KRT39: variants seen among roughly 807,000 people sequenced by gnomAD.
KRT39 encodes keratin 39, also known as keratin, type I cytoskeletal 39.
KRT39 carries 47 observed loss-of-function variants against 54.8 expected under a neutral mutation model. The observed-to-expected ratio is 0.86, with a 90% CI of 0.68 to 1.09. The LOEUF (loss-of-function observed/expected upper bound fraction) is 1.09, where lower values mean the gene tolerates loss of function less well. Among genes scored for constraint, KRT39 ranks in the 50% least tolerant of loss-of-function variants. The probability of loss-of-function intolerance (pLI) is 0.00; values close to 1 mark genes in which losing one functional copy is unlikely to be tolerated. For synonymous variants in KRT39, 207 were observed against 227.9 expected (o/e 0.91, Z 0.83); for missense variants, 580 against 598.5 (o/e 0.97, Z 0.32).
At position 40,963,670 on chromosome 17, in the gene KRT39, G is replaced by T; in HGVS notation, c.665C>A (p.Ser222Tyr). 1.2e-6 allele frequency: 2 copies of T among 1,611,242 alleles called. No homozygotes were observed. Among genetic ancestry groups the T allele is most frequent in the East Asian group, 2.2e-5 (1 of 44,836 alleles). The change falls in exon 3 of 7, where the codon TCT becomes TAT. Residue 222 changes from serine to tyrosine, a missense_variant. Ser to Tyr is a moderately radical substitution (Grantham distance 144). Coordinates refer to ENST00000355612, the MANE Select transcript of KRT39 (RefSeq NM_213656.4). ...GKADLEAQVQ[S>Y]LKEELLCLKN... ...GAGGCAAAGGAGCTCCTCTTTCAGA[G>T]ACTGGACTTGTGCCTCTAGGTCGGC...
intron 2 of KRT39, chr17:40,964,094 A>G: frequency 2.4e-6 from 1 of 416,860 alleles, no homozygotes; most frequent in Non-Finnish European, 4.2e-6. Context: ...ACATGTGTCC[A>G]AGTTTCGGTT....
rs185494048 is a variant in KRT39 at position 40,962,773 on chromosome 17, A to T, written c.709-210T>A. ...TGTGTGTTTAAATGTGTGCAAAATTAAAAAAAAATGAGTAGCAAGACCAGA... is the reference window on the plus strand; with the variant it reads ...TGTGTGTTTAAATGTGTGCAAAATTTAAAAAAAATGAGTAGCAAGACCAGA... On this transcript the variant is annotated intron_variant, in intron 3 of 6. Coordinates refer to ENST00000355612, the MANE Select transcript of KRT39 (RefSeq NM_213656.4). 9.1e-4 allele frequency among the ~76,000 whole-genome samples: 138 copies of T among 151,338 alleles called. No individual in the cohort carries two copies. In the Middle Eastern group the frequency reaches 0.01, roughly 11 times the overall value.
intron 5 of KRT39, among the ~76,000 whole-genome samples, chr17:40,961,386 G>A (rs1911146485): frequency 6.6e-6 from 1 of 152,136 alleles, no homozygotes; most frequent in Non-Finnish European, 1.5e-5. Flanking sequence ...TTATAGATGA[G>A]AAAACTGAGG....
rs1234977277 is a variant in KRT39, at chr17:40,964,517, G to T, written c.480C>A (p.Thr160=). The change falls in exon 2 of 7, where the codon ACC becomes ACA. Residue 160 remains threonine (T), a synonymous_variant. Transcript: ENST00000355612. The part of the protein sequence containing the change: ...IEELQQKILC[T]KAENSRLVSQ... The stretch of plus-strand genomic sequence containing the variant: ...AGACCAGTCTGGAATTCTCGGCCTT[G>T]GTACACAAGATCTAGAATTAAGAGA... The T allele has an allele frequency of 6.2e-7, 1 of 1,611,122 alleles. No individual in the cohort carries two copies. The highest frequency in any genetic ancestry group is 8.5e-7 in the Non-Finnish European group (1 of 1,177,450).
intron 3 of KRT39, among the ~76,000 whole-genome samples, chr17:40,962,814 G>T (rs190412017): frequency 5.0e-4 from 76 of 152,260 alleles, no homozygotes; most frequent in Non-Finnish European, 1.0e-3. Flanking sequence ...AAAAAATTTA[G>T]ATCATTTCCA....
chr17:40,962,698 A>C lies in KRT39; in HGVS notation c.709-135T>G, dbSNP rs747185745. The C allele has an allele frequency of 4.9e-5, 35 of 717,390 alleles. No homozygotes were observed. In the South Asian group the frequency reaches 5.8e-4, roughly 12 times the overall value. 44.4% of individuals were successfully genotyped at this position (717,390 alleles called of 1,614,324 possible). On this transcript the variant is annotated intron_variant, in intron 3 of 6. Coordinates refer to ENST00000355612, the MANE Select transcript of KRT39 (RefSeq NM_213656.4). ...CACAACAAAGGAATACATGATTTAC[A>C]GGTGTTATTGAGATGCTATAAAATG...
At chr17:40,960,203 C>T (rs1209944960) in intron 6 of KRT39, 78 bp downstream of exon 6, 1 of 1,284,364 alleles carries the variant, frequency 7.8e-7, no homozygotes, top group African/African-American at 1.5e-5. Context: ...AGCACTTGAC[C>T]CCTGTTGCCA....
At position 40,958,770 on chromosome 17, in the gene KRT39, C is replaced by A; in HGVS notation, c.1307G>T (p.Cys436Phe). The change falls in exon 7 of 7, where the codon TGC becomes TTC. Residue 436 changes from cysteine to phenylalanine, a missense_variant. Cys to Phe is a radical substitution (Grantham distance 205, BLOSUM62 -2). Transcript: ENST00000355612. ...TAAGCTGCAGGGGGATGAGGATGTG[C>A]AAGCTGGGGCCGTGCTTTCTATGGC... is the stretch of plus-strand genomic sequence containing the variant. ...SGAIESTAPA[C>F]TSSSPCSLKE... 1 of 1,613,958 alleles carries A rather than the reference C, an allele frequency of 6.2e-7. No individual in the cohort carries two copies. The highest frequency in any genetic ancestry group is 8.5e-7 in the Non-Finnish European group (1 of 1,179,982).
At position 40,966,931 on chromosome 17, in the gene KRT39, C is replaced by A; in HGVS notation, c.-75G>T. ...AAAGCTCAAGCCACCTCCACAGAGT[C>A]TGAATTCCAAGGCTCTTGGTGTTTT... On this transcript the variant is annotated 5_prime_UTR_variant, in exon 1 of 7. Transcript: ENST00000355612. 9.5e-7 allele frequency: 1 copy of A among 1,049,038 alleles called. No individual in the cohort carries two copies. The highest frequency in any genetic ancestry group is 1.4e-5 in the South Asian group (1 of 71,612). 65.0% of individuals were successfully genotyped at this position (1,049,038 alleles called of 1,614,324 possible). A position where few individuals can be genotyped will look rare whatever the true frequency, so the allele number is the denominator to read the frequency against.
intron 5 of KRT39, among the ~76,000 whole-genome samples, chr17:40,961,135 GAA>G (rs3067627): frequency 0.25 from 34,351 of 139,290 alleles, 4,100 homozygotes; most frequent in African/African-American, 0.31. Context: ...ATCTCAAAAA[GAA>G]AAAAAAAAAA....
rs529165488 is a variant in KRT39 at position 40,959,692 on chromosome 17, G to C, written c.1217+589C>G. ...CTGGGGTTTTAGTTTGGACTGAGTT[G>C]CTTCAAAGAACTCATCCTCCATATA... On this transcript the variant is annotated intron_variant, in intron 6 of 6. Coordinates refer to ENST00000355612, the MANE Select transcript of KRT39 (RefSeq NM_213656.4). Among the ~76,000 whole-genome samples, 23 of 152,306 alleles carry C rather than the reference G, an allele frequency of 1.5e-4. No individual in the cohort carries two copies. In the South Asian group the frequency reaches 4.8e-3, roughly 32 times the overall value.
chr17:40,958,983 T>G, intron 6 of KRT39, 124 bp from the exon 7 acceptor site: 1 of 825,782 alleles, frequency 1.2e-6, no homozygotes, highest in East Asian at 2.5e-5. Flanking sequence ...TTCTAAATGC[T>G]TATTCATTTA....
At chr17:40,963,524 G>T in intron 3 of KRT39, 103 bp downstream of exon 3, 1 of 1,070,564 alleles carries the variant, frequency 9.3e-7, no homozygotes, top group South Asian at 2.0e-5. Context: ...GTGTGAGAAC[G>T]AACTAATACA....
chr17:40,966,900 G>A lies in KRT39; in HGVS notation c.-44C>T, dbSNP rs1336126472. 1 of 1,454,366 alleles carries A rather than the reference G, an allele frequency of 6.9e-7. No homozygotes were observed. Among genetic ancestry groups the A allele is most frequent in the East Asian group, 2.3e-5 (1 of 43,762 alleles). The allele number at this position is 1,454,366 out of a possible 1,614,324, so 90.1% of individuals were successfully genotyped here. A position where few individuals can be genotyped will look rare whatever the true frequency, so the allele number is the denominator to read the frequency against. ...GTTTGTTCCAGGTCTGTGGTCACCAGGATGAAAAGCTCAAGCCACCTCCAC... is the reference window on the plus strand; with the variant it reads ...GTTTGTTCCAGGTCTGTGGTCACCAAGATGAAAAGCTCAAGCCACCTCCAC... On this transcript the variant is annotated 5_prime_UTR_variant, in exon 1 of 7. Transcript: ENST00000355612.
At chr17:40,959,176 G>A (rs1911034405) in intron 6 of KRT39, among the ~76,000 whole-genome samples, 1 of 152,214 alleles carries the variant, frequency 6.6e-6, no homozygotes, top group Non-Finnish European at 1.5e-5. Flanking sequence ...TTACCAGCTG[G>A]TGACCTCAGC....
At position 40,958,860 on chromosome 17, in the gene KRT39, C is replaced by A. The variant is rs1395300975; in HGVS notation, c.1218-1G>T. 6.4e-7 allele frequency: 1 copy of A among 1,563,910 alleles called. No individual in the cohort carries two copies. Among genetic ancestry groups the A allele is most frequent in the Admixed American group, 2.0e-5 (1 of 50,520 alleles). On this transcript the variant is annotated splice_acceptor_variant, in intron 6 of 6. Coordinates refer to ENST00000355612, the MANE Select transcript of KRT39 (RefSeq NM_213656.4). LOFTEE classifies it high-confidence loss of function. ...GGTGGCACGTGGGTAACAGGGACGC[C>A]TAAGGAAAAAAAACACAATTTTAGC...
At chr17:40,959,777 T>TTTTTA (rs1911060558) in intron 6 of KRT39, among the ~76,000 whole-genome samples, 2 of 152,166 alleles carry the variant, frequency 1.3e-5, no homozygotes, top group African/African-American at 4.8e-5. Flanking sequence ...TTTTATTTTT[T>TTTTTA]AAAAAAGATG....
In KRT39 at chr17:40,963,552, T is replaced by C. The variant is rs1030880055; in HGVS notation, c.708+75A>G. 1.7e-5 allele frequency: 24 copies of C among 1,387,700 alleles called. No homozygotes were observed. In the African/African-American group the frequency reaches 2.8e-4, roughly 16 times the overall value. 86.0% of individuals were successfully genotyped at this position (1,387,700 alleles called of 1,614,324 possible). A position where few individuals can be genotyped will look rare whatever the true frequency, so the allele number is the denominator to read the frequency against. ...CTAATACAAGCGGGCACACCCTTTG[T>C]CAGGTGCAACTCAAAGGAACTGATG... On this transcript the variant is annotated intron_variant, in intron 3 of 6. Transcript: ENST00000355612.
intron 5 of KRT39, among the ~76,000 whole-genome samples, chr17:40,961,083 T>G (rs951024353): frequency 6.6e-6 from 1 of 150,720 alleles, no homozygotes; most frequent in East Asian, 2.0e-4. Context: ...TGACCCGAGA[T>G]CGTGCCACTG....
Sources: allele counts gnomAD v4.1 joint callset (sites outside exome capture counted in the v4.1 genomes callset), GRCh38; gene constraint gnomAD v4.1.1; transcripts MANE v1.5; gene names NCBI Gene and HGNC (gene_info 2026-07-23, HGNC 2026-07-21).